Variants in NALF1 observed in about 807,000 individuals in gnomAD.
NALF1 encodes family with sequence similarity 155 member A.
NALF1 carries 3 observed loss-of-function variants against 48.4 expected under a neutral mutation model. That is an observed-to-expected ratio of 0.06 (90% CI 0.03 to 0.16). NALF1 has a LOEUF of 0.16. NALF1 is among the 10% of genes least tolerant of loss of function. NALF1 has a pLI of 1.00. For synonymous variants in NALF1, 262 were observed against 245.7 expected (o/e 1.07, Z -0.62); for missense variants, 526 against 571.5 (o/e 0.92, Z 0.81).
intron 1 of NALF1, among the ~76,000 whole-genome samples, chr13:107,405,161 C>T (rs754203146): frequency 3.3e-5 from 5 of 152,052 alleles, no homozygotes; most frequent in Middle Eastern, 6.8e-3. Context: ...CATTCAATTT[C>T]CCCTCCCCAA....
chr13:107,175,854 G>A (rs1010301376), intron 2 of NALF1, among the ~76,000 whole-genome samples: 7 of 152,038 alleles, frequency 4.6e-5, no homozygotes, highest in Admixed American at 2.6e-4. Context: ...TATTTCTCAG[G>A]CCCTAGGCAG....
At chr13:107,604,922 GCTTA>G (rs1879025072) in intron 1 of NALF1, among the ~76,000 whole-genome samples, 1 of 152,100 alleles carries the variant, frequency 6.6e-6, no homozygotes. Flanking sequence ...TTTTCTGAGT[GCTTA>G]CTATGTGCCA....
intron 1 of NALF1, among the ~76,000 whole-genome samples, chr13:107,864,338 T>A (rs1880652606): frequency 6.6e-6 from 1 of 152,230 alleles, no homozygotes; most frequent in African/African-American, 2.4e-5. Context: ...TTAATTTAAC[T>A]GTCAAAAGCA....
intron 1 of NALF1, among the ~76,000 whole-genome samples, chr13:107,556,419 A>G (rs1012499399): frequency 2.7e-4 from 41 of 151,994 alleles, no homozygotes; most frequent in African/African-American, 9.6e-4. Flanking sequence ...GTTTCCTTTA[A>G]CATTAAAACT....
At chr13:107,708,065 T>C (rs555053873) in intron 1 of NALF1, among the ~76,000 whole-genome samples, 8 of 151,202 alleles carry the variant, frequency 5.3e-5, no homozygotes, top group African/African-American at 1.9e-4. Flanking sequence ...ATAAATACAG[T>C]CAATTTTCTA....
intron 1 of NALF1, among the ~76,000 whole-genome samples, chr13:107,801,801 C>T (rs566160612): frequency 6.6e-6 from 1 of 152,264 alleles, no homozygotes; most frequent in East Asian, 1.9e-4. Flanking sequence ...TGGCCATGAA[C>T]ATTTGCATAA....
chr13:107,470,644 C>T lies in NALF1; in HGVS notation c.916-259889G>A, dbSNP rs77437346. On this transcript the variant is annotated intron_variant, in intron 1 of 2. Transcript: ENST00000375915. Reference sequence around the variant, plus strand: ...TGCAAAACTGAGGGAGCTGGAAAAACCAAAGTGTCCCTTAATGGCCAATGC... The same window carrying T: ...TGCAAAACTGAGGGAGCTGGAAAAATCAAAGTGTCCCTTAATGGCCAATGC... Among the ~76,000 whole-genome samples, 31 of 152,282 alleles carry T rather than the reference C, an allele frequency of 2.0e-4. 1 individual carries two copies. The East Asian group carries it at 5.4e-3, about 27-fold the overall frequency.
intron 1 of NALF1, among the ~76,000 whole-genome samples, chr13:107,737,901 A>G (rs1876513480): frequency 6.6e-6 from 1 of 152,210 alleles, no homozygotes; most frequent in African/African-American, 2.4e-5. Context: ...ATCCACGTAC[A>G]ATTCGGGCAG....
intron 1 of NALF1, among the ~76,000 whole-genome samples, chr13:107,329,608 G>A (rs1449550886): frequency 2.6e-5 from 4 of 151,260 alleles, no homozygotes; most frequent in Non-Finnish European, 5.9e-5. Flanking sequence ...CCAGTAACTC[G>A]TCATTTAACA....
intron 1 of NALF1, among the ~76,000 whole-genome samples, chr13:107,680,008 G>A (rs920674867): frequency 6.6e-6 from 1 of 152,136 alleles, no homozygotes; most frequent in African/African-American, 2.4e-5. Flanking sequence ...GGACATCTGA[G>A]TGTCCCTTCG....
intron 1 of NALF1, among the ~76,000 whole-genome samples, chr13:107,794,723 T>C (rs1037220794): frequency 7.2e-5 from 11 of 151,926 alleles, no homozygotes; most frequent in Non-Finnish European, 1.5e-4. Flanking sequence ...ACAGGATCAT[T>C]GTAGGAATTT....
chr13:107,377,453 A>C (rs931329271), intron 1 of NALF1, among the ~76,000 whole-genome samples: 4 of 152,128 alleles, frequency 2.6e-5, no homozygotes, highest in African/African-American at 9.7e-5. Flanking sequence ...TGCATTTTGC[A>C]TCTTCCCTTG....
At chr13:107,205,002 T>C (rs1201266916) in intron 2 of NALF1, among the ~76,000 whole-genome samples, 2 of 152,192 alleles carry the variant, frequency 1.3e-5, no homozygotes, top group Middle Eastern at 3.4e-3. Flanking sequence ...AGAACATCTT[T>C]TTTTTTTCTT....
In NALF1 at chr13:107,472,174, C is replaced by G. The variant is rs188187791; in HGVS notation, c.916-261419G>C. ...TGAAAGCCCGTCTCTACTAAAAATA[C>G]AAAAATTAGCCAGGCATAGTGGCGG... On this transcript the variant is annotated intron_variant, in intron 1 of 2. Transcript: ENST00000375915. Among the ~76,000 whole-genome samples, 422 of 152,172 alleles carry G rather than the reference C, an allele frequency of 2.8e-3. 2 individuals are homozygous for G. The highest frequency in any genetic ancestry group is 9.8e-3 in the African/African-American group (405 of 41,518).
At chr13:107,483,814 A>G (rs998114660) in intron 1 of NALF1, among the ~76,000 whole-genome samples, 2 of 152,000 alleles carry the variant, frequency 1.3e-5, no homozygotes, top group African/African-American at 4.8e-5. Context: ...ATAAATTAAT[A>G]TAACATTAAA....
intron 1 of NALF1, among the ~76,000 whole-genome samples, chr13:107,759,628 T>C (rs924630325): frequency 6.6e-6 from 1 of 152,234 alleles, no homozygotes; most frequent in Non-Finnish European, 1.5e-5. Context: ...AATTCCAGTC[T>C]TCAACATTCA....
intron 1 of NALF1, among the ~76,000 whole-genome samples, chr13:107,646,346 C>T (rs1880314810): frequency 6.7e-6 from 1 of 149,096 alleles, no homozygotes; most frequent in South Asian, 2.1e-4. Flanking sequence ...TTCACATTCA[C>T]ATCCTAACAT....
chr13:107,533,976 C>A (rs904665934), intron 1 of NALF1, among the ~76,000 whole-genome samples: 10 of 151,872 alleles, frequency 6.6e-5, no homozygotes, highest in African/African-American at 2.2e-4. Context: ...ACCAGGGGAC[C>A]AAATATCCTG....
chr13:107,328,475 A>G (rs929125212), intron 1 of NALF1, among the ~76,000 whole-genome samples: 2 of 152,148 alleles, frequency 1.3e-5, no homozygotes, highest in Non-Finnish European at 2.9e-5. Context: ...CTTAAACTCC[A>G]AAGTGCAACT....
Sources: allele counts gnomAD v4.1 joint callset (sites outside exome capture counted in the v4.1 genomes callset), GRCh38; gene constraint gnomAD v4.1.1; transcripts MANE v1.5; gene names NCBI Gene and HGNC (gene_info 2026-07-23, HGNC 2026-07-21).